Variants in PPARGC1A observed in about 807,000 individuals in gnomAD.
PPARGC1A encodes peroxisome proliferator-activated receptor gamma coactivator 1-alpha.
In PPARGC1A, 25 loss-of-function variants were observed where a neutral mutation model predicts 88.7. The observed-to-expected ratio is 0.28, with a 90% CI of 0.21 to 0.39. The LOEUF is 0.39. Among genes scored for constraint, PPARGC1A ranks in the 10% least tolerant of loss-of-function variants. The pLI is 1.00. For synonymous variants in PPARGC1A, 363 were observed against 355.6 expected (o/e 1.02, Z -0.24); for missense variants, 880 against 968.7 (o/e 0.91, Z 1.22).
the PPARGC1A span, among the ~76,000 whole-genome samples, chr4:24,084,106 CT>C: frequency 6.6e-6 from 1 of 152,178 alleles, no homozygotes; most frequent in Non-Finnish European, 1.5e-5. Context: ...TTATCTGTTC[CT>C]TTATGCTGCC....
chr4:24,471,102 G>A, the PPARGC1A span, among the ~76,000 whole-genome samples: 4 of 151,454 alleles, frequency 2.6e-5, no homozygotes, highest in African/African-American at 9.7e-5. This position sits in a 1 kb window ranked among gnomAD's most constrained non-coding sequence, Gnocchi z 5.4. Flanking sequence ...GAGGAGAGGC[G>A]CCGCGGAGGC....
At chr4:24,267,789 T>C in the PPARGC1A span, among the ~76,000 whole-genome samples, 711 of 152,334 alleles carry the variant, frequency 4.7e-3, 9 homozygotes, top group African/African-American at 0.016. Context: ...AGCATAATTC[T>C]ACTATGCACC....
At chr4:24,100,257 G>A in the PPARGC1A span, among the ~76,000 whole-genome samples, 1 of 152,160 alleles carries the variant, frequency 6.6e-6, no homozygotes, top group Admixed American at 6.5e-5. Flanking sequence ...ATTGGCATAT[G>A]AAGCTTTATT....
At chr4:24,010,893 G>T in the PPARGC1A span, among the ~76,000 whole-genome samples, 1 of 152,104 alleles carries the variant, frequency 6.6e-6, no homozygotes, top group Non-Finnish European at 1.5e-5. Context: ...CTGAGATCTT[G>T]GTTTTAGAAT....
the PPARGC1A span, among the ~76,000 whole-genome samples, chr4:24,231,826 A>G: frequency 6.6e-6 from 1 of 152,144 alleles, no homozygotes; most frequent in African/African-American, 2.4e-5. Context: ...GACAAGACAT[A>G]CAATAAAGTT....
At chr4:24,211,353 T>G in the PPARGC1A span, among the ~76,000 whole-genome samples, 1 of 152,220 alleles carries the variant, frequency 6.6e-6, no homozygotes, top group Non-Finnish European at 1.5e-5. Flanking sequence ...TAGAAGGTAA[T>G]TCTTACCTAA....
At chr4:24,144,790 T>C in the PPARGC1A span, among the ~76,000 whole-genome samples, 3 of 152,134 alleles carry the variant, frequency 2.0e-5, no homozygotes, top group African/African-American at 4.8e-5. Flanking sequence ...AGAAAATAGA[T>C]AGTCTGTTCA....
chr4:24,314,205 T>A, the PPARGC1A span, among the ~76,000 whole-genome samples: 1 of 152,356 alleles, frequency 6.6e-6, no homozygotes, highest in African/African-American at 2.4e-5. Flanking sequence ...AGGAACGGAC[T>A]GAGCATTTCA....
At chr4:24,345,631 G>A in the PPARGC1A span, among the ~76,000 whole-genome samples, 1 of 152,002 alleles carries the variant, frequency 6.6e-6, no homozygotes, top group Non-Finnish European at 1.5e-5. Flanking sequence ...CATTAATCTT[G>A]TATCCGGAAA....
At chr4:24,410,863 G>C in the PPARGC1A span, among the ~76,000 whole-genome samples, 8 of 152,152 alleles carry the variant, frequency 5.3e-5, no homozygotes, top group East Asian at 1.5e-3. Flanking sequence ...CAGACTGAAG[G>C]CTGCACTGTC....
At chr4:23,921,040 G>C in the PPARGC1A span, among the ~76,000 whole-genome samples, 1 of 152,032 alleles carries the variant, frequency 6.6e-6, no homozygotes, top group Non-Finnish European at 1.5e-5. Context: ...TGAGTCTCCC[G>C]TGCCACCCCC....
chr4:23,836,536 T>C (rs939862896), intron 2 of PPARGC1A, among the ~76,000 whole-genome samples: 6 of 152,200 alleles, frequency 3.9e-5, no homozygotes, highest in Non-Finnish European at 8.8e-5. Context: ...AAATTTAGAA[T>C]CTGCAACAAT....
At chr4:24,439,045 A>G in the PPARGC1A span, among the ~76,000 whole-genome samples, 5 of 152,250 alleles carry the variant, frequency 3.3e-5, no homozygotes, top group East Asian at 9.7e-4. Context: ...TACAAAATAA[A>G]TTGACATAAA....
the PPARGC1A span, among the ~76,000 whole-genome samples, chr4:24,402,838 C>T: frequency 6.6e-6 from 1 of 152,234 alleles, no homozygotes; most frequent in Non-Finnish European, 1.5e-5. Flanking sequence ...ACTATGTGCT[C>T]AGCTCTATGC....
chr4:23,890,319 A>T (rs1296836945), upstream of PPARGC1A: 2 of 203,920 alleles, frequency 9.8e-6, no homozygotes, highest in African/African-American at 4.6e-5. Context: ...CCAGCTTTGA[A>T]TGCCACAGAC....
chr4:23,870,073 A>G (rs899566172), intron 2 of PPARGC1A, among the ~76,000 whole-genome samples: 1 of 152,362 alleles, frequency 6.6e-6, no homozygotes, highest in Non-Finnish European at 1.5e-5. Flanking sequence ...CAAAGTCTAC[A>G]CAGGAAACAC....
the PPARGC1A span, among the ~76,000 whole-genome samples, chr4:23,938,562 G>A: frequency 2.0e-5 from 3 of 152,160 alleles, no homozygotes; most frequent in African/African-American, 4.8e-5. Flanking sequence ...AATGATGAAT[G>A]CTAAAGATGA....
At chr4:24,307,585 A>C in the PPARGC1A span, among the ~76,000 whole-genome samples, 2 of 152,170 alleles carry the variant, frequency 1.3e-5, no homozygotes, top group Non-Finnish European at 2.9e-5. Flanking sequence ...AAGAATTAGG[A>C]GAGTTAAGAG....
the PPARGC1A span, among the ~76,000 whole-genome samples, chr4:24,234,529 G>A: frequency 6.6e-6 from 1 of 152,190 alleles, no homozygotes; most frequent in Non-Finnish European, 1.5e-5. Flanking sequence ...TGGGAAGGAA[G>A]ACAGGGAAGA....
Sources: gnomAD v4.1 joint callset for allele counts (sites outside exome capture counted in the v4.1 genomes callset) on GRCh38, gnomAD v4.1.1 for gene constraint, Gnocchi (gnomAD v3.1) non-coding constraint, MANE v1.5 for transcripts, NCBI Gene and HGNC (gene_info 2026-07-23, HGNC 2026-07-21) for gene names.